The following SLC44A5 variants were observed in gnomAD, a reference collection of about 807,000 sequenced individuals.
The protein encoded by SLC44A5 is solute carrier family 44 member 5.
SLC44A5 carries 57 observed loss-of-function variants against 101.8 expected under a neutral mutation model. The ratio of observed to expected loss-of-function variants is 0.56; its 90% confidence interval spans 0.45 to 0.70. SLC44A5 has a LOEUF of 0.70. SLC44A5 is among the 30% of genes least tolerant of loss of function. The pLI, the probability that SLC44A5 is intolerant of heterozygous loss-of-function variation, is 0.00. For missense variants in SLC44A5, 737 were observed against 853.1 expected (o/e 0.86, Z 1.70); for synonymous variants, 281 against 290.9 (o/e 0.97, Z 0.35).
chr1:75,485,680 C>T (rs558517411), intron 2 of SLC44A5, among the ~76,000 whole-genome samples: 5 of 152,124 alleles, frequency 3.3e-5, no homozygotes, highest in African/African-American at 1.2e-4. Context: ...ACTCCCAGTA[C>T]CAATTTTTCC....
At chr1:75,262,238 C>G (rs1650580865) in intron 6 of SLC44A5, among the ~76,000 whole-genome samples, 1 of 152,156 alleles carries the variant, frequency 6.6e-6, no homozygotes. Context: ...TAGAAAACCC[C>G]ATCATCTCAG....
Position 75,219,298 on chromosome 1 carries a change from C to A in SLC44A5, c.1225G>T (p.Gly409Trp). Residue 409 changes from glycine to tryptophan, a missense_variant, in exon 16 of 24, where the codon GGG becomes TGG. Physicochemically the swap from Gly to Trp is radical, Grantham distance 184. Around this residue, in one of 3 missense-constraint regions of SLC44A5, gnomAD observed 665 missense variants for 764.4 expected, o/e 0.87. Coordinates refer to ENST00000370859, the MANE Select transcript of SLC44A5 (RefSeq NM_001130058.2). ...TGATTTTCATGTATACAATGCCCCC[C>A]TGGAGCTATGACTTTGTATACAGGT... is the stretch of plus-strand genomic sequence containing the variant. Reference protein sequence around the residue: ...GVPVYKVIAPGGHCIHENQTC... With the variant: ...GVPVYKVIAPWGHCIHENQTC... The A allele has an allele frequency of 6.2e-7, 1 of 1,613,476 alleles. No individual in the cohort carries two copies. Among genetic ancestry groups the A allele is most frequent in the Non-Finnish European group, 8.5e-7 (1 of 1,179,556 alleles).
Position 75,445,961 on chromosome 1 carries a change from T to C in SLC44A5, c.14-49340A>G, listed in dbSNP as rs549977466. Among the ~76,000 whole-genome samples, 13 of 152,268 alleles carry C rather than the reference T, an allele frequency of 8.5e-5. No individual in the cohort carries two copies. In the South Asian group the frequency reaches 2.3e-3, roughly 27 times the overall value. On this transcript the variant is annotated intron_variant, in intron 2 of 23. Coordinates refer to ENST00000370859, the MANE Select transcript of SLC44A5 (RefSeq NM_001130058.2). ...TTCCCCTTGATTTCTGTTTCTCTTG[T>C]ACCTCACATCCAATCCATCAGCAAC...
the SLC44A5 span, among the ~76,000 whole-genome samples, chr1:75,649,058 C>T: frequency 6.6e-6 from 1 of 152,182 alleles, no homozygotes; most frequent in African/African-American, 2.4e-5. Context: ...GGGTAACTAA[C>T]TCTGTGCCTA....
intron 2 of SLC44A5, among the ~76,000 whole-genome samples, chr1:75,417,810 C>CAT (rs1413984804): frequency 2.0e-5 from 3 of 152,156 alleles, no homozygotes; most frequent in African/African-American, 7.2e-5. Flanking sequence ...ATCTTAAATC[C>CAT]ATACTGAAAA....
intron 1 of SLC44A5, among the ~76,000 whole-genome samples, chr1:75,599,292 T>C (rs1288794099): frequency 6.6e-6 from 1 of 152,168 alleles, no homozygotes; most frequent in Non-Finnish European, 1.5e-5. Flanking sequence ...GACAACTAGC[T>C]TGGAAATAGA....
chr1:75,575,131 A>G (rs1402528602), intron 1 of SLC44A5, among the ~76,000 whole-genome samples: 1 of 152,212 alleles, frequency 6.6e-6, no homozygotes, highest in African/African-American at 2.4e-5. Context: ...TAATTTCTAG[A>G]TGCTCCACAT....
At chr1:75,444,473 G>GAAAGAAAGAAGAAAGA (rs375395730) in intron 2 of SLC44A5, among the ~76,000 whole-genome samples, 1 of 95,404 alleles carries the variant, frequency 1.0e-5, no homozygotes, top group African/African-American at 4.0e-5. Flanking sequence ...AAAAAAGAAA[G>GAAAGAAAGAAGAAAGA]AGAAAGAAAG....
chr1:75,257,141 C>T (rs942979305), intron 6 of SLC44A5, among the ~76,000 whole-genome samples: 4 of 152,142 alleles, frequency 2.6e-5, no homozygotes, highest in Admixed American at 6.5e-5. Flanking sequence ...TTTGTTTTCA[C>T]ATGCATATAT....
At chr1:75,557,526 A>C (rs1018936345) in intron 1 of SLC44A5, among the ~76,000 whole-genome samples, 1 of 152,094 alleles carries the variant, frequency 6.6e-6, no homozygotes, top group African/African-American at 2.4e-5. Flanking sequence ...CTCATCTAGA[A>C]AGTTCTCTGG....
intron 2 of SLC44A5, among the ~76,000 whole-genome samples, chr1:75,470,709 A>C (rs1038766220): frequency 1.3e-5 from 2 of 150,590 alleles, no homozygotes; most frequent in African/African-American, 4.9e-5. Flanking sequence ...GGAATGTCCA[A>C]GGCCAGAGAG....
the SLC44A5 span, among the ~76,000 whole-genome samples, chr1:75,680,984 C>T: frequency 6.7e-6 from 1 of 150,324 alleles, no homozygotes; most frequent in African/African-American, 2.4e-5. Flanking sequence ...CTACAAACAC[C>T]TCTACGCAAA....
intron 11 of SLC44A5, among the ~76,000 whole-genome samples, chr1:75,236,139 C>T (rs1505262): frequency 0.28 from 42,867 of 151,886 alleles, 6,355 homozygotes; most frequent in Middle Eastern, 0.36. Flanking sequence ...ATTTGATAGT[C>T]TAGGGATGGG....
chr1:75,669,119 A>G, the SLC44A5 span, among the ~76,000 whole-genome samples: 1 of 151,562 alleles, frequency 6.6e-6, no homozygotes, highest in South Asian at 2.1e-4. Flanking sequence ...CCATCTGTCT[A>G]TTTTTCTTGA....
At position 75,401,531 on chromosome 1, in the gene SLC44A5, A is replaced by T. The variant is rs533170322; in HGVS notation, c.14-4910T>A. On this transcript the variant is annotated intron_variant, in intron 2 of 23. Transcript: ENST00000370859. ...GCCTCAGCAAAAGGCAAGCATGGCC[A>T]GAGATCCTATGATGGGAAGGAGCTT... 3.6e-4 allele frequency among the ~76,000 whole-genome samples: 55 copies of T among 152,306 alleles called. No individual in the cohort carries two copies. In the South Asian group the frequency reaches 9.7e-3, roughly 27 times the overall value.
At chr1:75,340,081 A>G (rs556333339) in intron 3 of SLC44A5, among the ~76,000 whole-genome samples, 1 of 152,300 alleles carries the variant, frequency 6.6e-6, no homozygotes, top group African/African-American at 2.4e-5. Context: ...GAGAAGTTCA[A>G]ATACTAGGTA....
the SLC44A5 span, among the ~76,000 whole-genome samples, chr1:75,691,336 TC>T: frequency 2.6e-5 from 4 of 151,994 alleles, no homozygotes; most frequent in South Asian, 8.4e-4. Flanking sequence ...AGAGGAGGGG[TC>T]AAGGCTGGTA....
chr1:75,591,379 A>C (rs1441648625), intron 1 of SLC44A5, among the ~76,000 whole-genome samples: 1 of 152,196 alleles, frequency 6.6e-6, no homozygotes, highest in Non-Finnish European at 1.5e-5. Flanking sequence ...TAAACTCTCC[A>C]ATCAAAAAAC....
At chr1:75,603,766 T>G (rs1675147630) in intron 1 of SLC44A5, among the ~76,000 whole-genome samples, 1 of 149,888 alleles carries the variant, frequency 6.7e-6, no homozygotes, top group African/African-American at 2.5e-5. Flanking sequence ...TTTTTTTTTT[T>G]TTTTGCTGCT....
Sources: allele counts gnomAD v4.1 joint callset (sites outside exome capture counted in the v4.1 genomes callset), GRCh38; gene constraint gnomAD v4.1.1; regional missense constraint gnomAD v4.1.1; transcripts MANE v1.5; gene names NCBI Gene and HGNC (gene_info 2026-07-23, HGNC 2026-07-21).